RFTN1: variants seen among roughly 807,000 people sequenced by gnomAD.
RFTN1 encodes raftlin.
In RFTN1, 26 loss-of-function variants were observed where a neutral mutation model predicts 46.5. The ratio of observed to expected loss-of-function variants is 0.56; its 90% CI spans 0.41 to 0.78. The LOEUF is 0.78. Among genes scored for constraint, RFTN1 ranks in the 30% least tolerant of loss-of-function variants. The pLI, the probability that RFTN1 is intolerant of heterozygous loss-of-function variation, is 0.00. For synonymous variants in RFTN1, 261 were observed against 284.2 expected, an observed-to-expected ratio of 0.92 and a Z score of 0.82; for missense variants, 693 against 718.7, an observed-to-expected ratio of 0.96 and a Z score of 0.41.
At chr3:16,437,126 C>T (rs1396900089) in intron 2 of RFTN1, among the ~76,000 whole-genome samples, 1 of 152,186 alleles carries the variant, frequency 6.6e-6, no homozygotes, top group Non-Finnish European at 1.5e-5. Context: ...ACAGATAGCA[C>T]ATATTTATCA....
intron 7 of RFTN1, among the ~76,000 whole-genome samples, chr3:16,355,501 G>A (rs950681653): frequency 6.6e-6 from 1 of 152,232 alleles, no homozygotes; most frequent in African/African-American, 2.4e-5. Context: ...AAAAAGGGGA[G>A]GCAGTGGTCT....
chr3:16,365,631 G>C (rs1301212738), intron 6 of RFTN1, among the ~76,000 whole-genome samples: 2 of 152,196 alleles, frequency 1.3e-5, no homozygotes, highest in African/African-American at 4.8e-5. Context: ...TTTTAAAAAG[G>C]TGGCAGCAGA....
Position 16,506,430 on chromosome 3 carries a change from T to C in RFTN1, c.-9+7012A>G, listed in dbSNP as rs1012891542. Among the ~76,000 whole-genome samples, 21 of 152,252 alleles carry C rather than the reference T, an allele frequency of 1.4e-4. No individual in the cohort carries two copies. Among genetic ancestry groups the C allele is most frequent in the African/African-American group, 5.1e-4 (21 of 41,560 alleles). Reference sequence around the variant, plus strand: ...CGAGCTGAAAGAAGACATCAATTACTCTGGCCATGACTGACCATGACAGCA... The same window carrying C: ...CGAGCTGAAAGAAGACATCAATTACCCTGGCCATGACTGACCATGACAGCA... On this transcript the variant is annotated intron_variant, in intron 1 of 9. Coordinates refer to ENST00000334133, the MANE Select transcript of RFTN1 (RefSeq NM_015150.2). This position sits in a 1 kb window ranked among gnomAD's most constrained non-coding sequence, Gnocchi z 4.8.
At chr3:16,389,931 A>T (rs370826565) in intron 4 of RFTN1, among the ~76,000 whole-genome samples, 23 of 152,284 alleles carry the variant, frequency 1.5e-4, no homozygotes, top group African/African-American at 5.5e-4. Flanking sequence ...TTCTCTTGGG[A>T]TGCTTGCTCT....
rs1338538328 is a variant in RFTN1, at chr3:16,346,319, G to GAT, written c.1146+11611_1146+11612dup. 2 of 152,108 alleles carry GAT rather than the reference G, an allele frequency of 1.3e-5. No individual in the cohort carries two copies. The highest frequency in any genetic ancestry group is 3.8e-4 in the East Asian group (2 of 5,202). 9.4% of individuals were successfully genotyped at this position (152,108 alleles called of 1,614,324 possible). On this transcript the variant is annotated intron_variant, in intron 7 of 9. Coordinates refer to ENST00000334133, the MANE Select transcript of RFTN1 (RefSeq NM_015150.2). The surrounding 1 kb of genome is among the most constrained non-coding windows in gnomAD (Gnocchi z 4.4). ...TATTTGTTGGATAAATTTTTAAAAA[G>GAT]ATATAACTTACTTGTATCACTAAAT... is the stretch of plus-strand genomic sequence containing the variant.
rs1032508673 is a variant in RFTN1 at position 16,509,277 on chromosome 3, A to G, written c.-9+4165T>C. ...ACGCTGTTCTGATTATCTAATTTACATTTCTATTATAATATGGCTTTGTGT... is the reference window on the plus strand; with the variant it reads ...ACGCTGTTCTGATTATCTAATTTACGTTTCTATTATAATATGGCTTTGTGT... On this transcript the variant is annotated intron_variant, in intron 1 of 9. Coordinates refer to ENST00000334133, the MANE Select transcript of RFTN1 (RefSeq NM_015150.2). The surrounding 1 kb of genome is among the most constrained non-coding windows in gnomAD (Gnocchi z 4.9). 3.9e-5 allele frequency among the ~76,000 whole-genome samples: 6 copies of G among 152,204 alleles called. No homozygotes were observed. The highest frequency in any genetic ancestry group is 1.5e-5 in the Non-Finnish European group (1 of 68,034).
chr3:16,447,608 T>C lies in RFTN1; in HGVS notation c.146-13571A>G, dbSNP rs1250092397. ...CATGCACATGTCCCTCCCAGCTGCC[T>C]TCTCAGGCATTCCAGTGAAAAAGAG... is the stretch of plus-strand genomic sequence containing the variant. On this transcript the variant is annotated intron_variant, in intron 2 of 9. Coordinates refer to ENST00000334133, the MANE Select transcript of RFTN1 (RefSeq NM_015150.2). The surrounding 1 kb of genome is among the most constrained non-coding windows in gnomAD (Gnocchi z 5.9). Among the ~76,000 whole-genome samples, 1 of 152,196 alleles carries C rather than the reference T, an allele frequency of 6.6e-6. No individual in the cohort carries two copies. The highest frequency in any genetic ancestry group is 1.5e-5 in the Non-Finnish European group (1 of 68,032).
rs983665167 is a variant in RFTN1, at chr3:16,413,055, T to C, written c.333-3572A>G. 6.6e-6 allele frequency among the ~76,000 whole-genome samples: 1 copy of C among 152,212 alleles called. No homozygotes were observed. The highest frequency in any genetic ancestry group is 2.4e-5 in the African/African-American group (1 of 41,438). On this transcript the variant is annotated intron_variant, in intron 3 of 9. Transcript: ENST00000334133. This position sits in a 1 kb window ranked among gnomAD's most constrained non-coding sequence, Gnocchi z 4.7. ...CCATATGATAATAAATACGTACCAT[T>C]TTGAACCATGAAATGTGTTATCATT...
rs1191265443 is a variant in RFTN1 at position 16,465,703 on chromosome 3, A to T, written c.145+28022T>A. 1.3e-5 allele frequency among the ~76,000 whole-genome samples: 2 copies of T among 152,276 alleles called. No individual in the cohort carries two copies. Among genetic ancestry groups the T allele is most frequent in the Non-Finnish European group, 2.9e-5 (2 of 68,016 alleles). On this transcript the variant is annotated intron_variant, in intron 2 of 9. Transcript: ENST00000334133. The surrounding 1 kb of genome is among the most constrained non-coding windows in gnomAD (Gnocchi z 5.1). ...CAAAATTATCACACCCACCAAAAAG[A>T]CCTGCTGGGGACAGCTAATCTTTTT...
intron 7 of RFTN1, chr3:16,350,163 TTAAC>T (rs1424137213): frequency 1.3e-5 from 2 of 152,242 alleles, no homozygotes; most frequent in African/African-American, 4.8e-5. Context: ...ATTTTCTCGT[TTAAC>T]ATTTCCTGTA....
chr3:16,415,430 T>TACACACACACACACACACACACAC lies in RFTN1; in HGVS notation c.333-5948_333-5947insGTGTGTGTGTGTGTGTGTGTGTGT, dbSNP rs1553589390. 4.6e-4 allele frequency among the ~76,000 whole-genome samples: 52 copies of TACACACACACACACACACACACAC among 114,146 alleles called. 1 individual carries two copies. Among genetic ancestry groups the TACACACACACACACACACACACAC allele is most frequent in the South Asian group, 8.8e-4 (3 of 3,414 alleles). 74.9% of individuals were successfully genotyped at this position (114,146 alleles called of 152,430 possible). ...TTGAGTATATATATATATATATATATACACACACACACACACATATATACT... is the reference window on the plus strand; with the variant it reads ...TTGAGTATATATATATATATATATATACACACACACACACACACACACACACACACACACACACACATATATACT... On this transcript the variant is annotated intron_variant, in intron 3 of 9. Transcript: ENST00000334133.
rs1312402912 is a variant in RFTN1 at position 16,489,194 on chromosome 3, GAT to G, written c.145+4529_145+4530del. Among the ~76,000 whole-genome samples, 1 of 152,178 alleles carries G rather than the reference GAT, an allele frequency of 6.6e-6. No homozygotes were observed. Among genetic ancestry groups the G allele is most frequent in the Non-Finnish European group, 1.5e-5 (1 of 68,038 alleles). ...GCACTTTGGGAAGCTGAGGCAGGCA[GAT>G]CACCTGAGATCAGGAGTTCGAGACC... On this transcript the variant is annotated intron_variant, in intron 2 of 9. Transcript: ENST00000334133. This position sits in a 1 kb window ranked among gnomAD's most constrained non-coding sequence, Gnocchi z 4.0.
chr3:16,510,575 TG>T (rs1461945273), intron 1 of RFTN1, among the ~76,000 whole-genome samples: 10 of 152,214 alleles, frequency 6.6e-5, no homozygotes, highest in African/African-American at 2.2e-4. Flanking sequence ...AGATTCCCTC[TG>T]GCCCCAGAAG....
intron 6 of RFTN1, among the ~76,000 whole-genome samples, chr3:16,366,726 C>G (rs2073200749): frequency 6.6e-6 from 1 of 151,506 alleles, no homozygotes; most frequent in African/African-American, 2.4e-5. Flanking sequence ...GCATAACTAC[C>G]TACTTCACTG....
At chr3:16,396,822 G>A (rs1486670739) in intron 4 of RFTN1, among the ~76,000 whole-genome samples, 2 of 152,146 alleles carry the variant, frequency 1.3e-5, no homozygotes, top group Non-Finnish European at 2.9e-5. Context: ...CAGCACTTCG[G>A]GAAGCTGAGG....
chr3:16,405,464 A>G (rs2074833445), intron 4 of RFTN1, among the ~76,000 whole-genome samples: 1 of 152,218 alleles, frequency 6.6e-6, no homozygotes, highest in Admixed American at 6.5e-5. Flanking sequence ...GACCAGCTAG[A>G]GCACTCAGAG....
chr3:16,490,471 G>C (rs2076522612), intron 2 of RFTN1, among the ~76,000 whole-genome samples: 1 of 152,134 alleles, frequency 6.6e-6, no homozygotes, highest in Non-Finnish European at 1.5e-5. Context: ...ATCTGGGAAG[G>C]GCAAGACCAA....
At chr3:16,362,221 A>G (rs1044872931) in intron 6 of RFTN1, among the ~76,000 whole-genome samples, 2 of 152,226 alleles carry the variant, frequency 1.3e-5, no homozygotes, top group Non-Finnish European at 2.9e-5. Context: ...TAAGAGCCCT[A>G]TGGGTAAACC....
rs558708570 is a variant in RFTN1 at position 16,492,841 on chromosome 3, T to G, written c.145+884A>C. 3.4e-4 allele frequency among the ~76,000 whole-genome samples: 51 copies of G among 152,086 alleles called. 2 individuals are homozygous for G. In the South Asian group the frequency reaches 0.01, roughly 31 times the overall value. The stretch of plus-strand genomic sequence containing the variant: ...AAGATGCCAGGACAGGCTCACGACT[T>G]CCCCCCCAACACTGGCCCAACACTC... On this transcript the variant is annotated intron_variant, in intron 2 of 9. Coordinates refer to ENST00000334133, the MANE Select transcript of RFTN1 (RefSeq NM_015150.2).
Sources: allele counts gnomAD v4.1 joint callset (sites outside exome capture counted in the v4.1 genomes callset), GRCh38; gene constraint gnomAD v4.1.1; non-coding constraint Gnocchi (gnomAD v3.1); transcripts MANE v1.5; gene names NCBI Gene and HGNC (gene_info 2026-07-23, HGNC 2026-07-21).